The following NGLY1 variants were observed in gnomAD, a reference collection of about 807,000 sequenced individuals.
NGLY1 encodes N-glycanase 1.
NGLY1 carries 68 observed loss-of-function variants against 84.6 expected under a neutral mutation model. That is an observed-to-expected ratio of 0.80 (90% CI 0.66 to 0.98). The LOEUF (loss-of-function observed/expected upper bound fraction) is 0.98, where lower values mean the gene tolerates loss of function less well. Ranked by LOEUF, NGLY1 falls within the 50% of genes least tolerant of loss-of-function variation. The pLI is 0.00. For missense variants in NGLY1, 779 were observed against 770.2 expected (o/e 1.01, Z -0.14); for synonymous variants, 280 against 275.2 (o/e 1.02, Z -0.17).
At chr3:25,758,351 G>A (rs369622099) in intron 3 of NGLY1, among the ~76,000 whole-genome samples, 5 of 152,046 alleles carry the variant, frequency 3.3e-5, no homozygotes, top group African/African-American at 4.8e-5. Flanking sequence ...TGAGGCAGGC[G>A]GATTGCTTGA....
At chr3:25,720,889 C>G (rs901441944) in intron 10 of NGLY1, among the ~76,000 whole-genome samples, 2 of 152,180 alleles carry the variant, frequency 1.3e-5, no homozygotes, top group African/African-American at 4.8e-5. Context: ...CAACCATGCT[C>G]AAACTCTTAA....
chr3:25,772,798 T>G (rs1158223620), intron 2 of NGLY1, among the ~76,000 whole-genome samples: 1 of 152,218 alleles, frequency 6.6e-6, no homozygotes, highest in Non-Finnish European at 1.5e-5. Flanking sequence ...TTAGAGCTCC[T>G]TTTTAGCAGT....
intron 3 of NGLY1, among the ~76,000 whole-genome samples, chr3:25,760,860 C>CAAAAAAAAAAAAAAAAAAAAAA (rs760535260): frequency 1.4e-5 from 1 of 71,672 alleles, no homozygotes; most frequent in Admixed American, 1.7e-4. Context: ...AACTCTGTCT[C>CAAAAAAAAAAAAAAAAAAAAAA]AAAAAAAAAA....
intron 3 of NGLY1, among the ~76,000 whole-genome samples, chr3:25,760,768 G>A (rs1334118226): frequency 1.3e-5 from 2 of 151,470 alleles, no homozygotes; most frequent in African/African-American, 4.9e-5. Context: ...GCTGAGGCAG[G>A]AGAATCACTT....
intron 2 of NGLY1, among the ~76,000 whole-genome samples, chr3:25,776,106 G>A (rs1708142343): frequency 6.6e-6 from 1 of 152,196 alleles, no homozygotes; most frequent in African/African-American, 2.4e-5. Context: ...ATCAAAACCT[G>A]TTAATCTTTT....
intron 10 of NGLY1, among the ~76,000 whole-genome samples, chr3:25,721,660 A>C (rs1704994954): frequency 6.9e-6 from 1 of 145,780 alleles, no homozygotes. Flanking sequence ...GAGGCAGGAG[A>C]ATGGTGTGAA....
At chr3:25,750,598 T>TGTA (rs1706683906) in intron 4 of NGLY1, among the ~76,000 whole-genome samples, 1 of 152,032 alleles carries the variant, frequency 6.6e-6, no homozygotes, top group African/African-American at 2.4e-5. Context: ...AACACTGAAA[T>TGTA]GTACACTTAA....
chr3:25,757,441 TG>T (rs903260750), intron 3 of NGLY1, among the ~76,000 whole-genome samples: 4 of 152,318 alleles, frequency 2.6e-5, no homozygotes, highest in Middle Eastern at 3.4e-3. Context: ...AGGGTTCGAC[TG>T]GTATACGTGA....
chr3:25,776,483 A>G (rs983767326), intron 2 of NGLY1, among the ~76,000 whole-genome samples: 7 of 152,202 alleles, frequency 4.6e-5, no homozygotes, highest in African/African-American at 1.7e-4. Context: ...CCTTTGTATC[A>G]TCTATAATCA....
intron 8 of NGLY1, among the ~76,000 whole-genome samples, chr3:25,733,500 TG>T (rs1705656541): frequency 6.7e-6 from 1 of 150,320 alleles, no homozygotes; most frequent in Admixed American, 6.6e-5. Context: ...TGTGTGTGTG[TG>T]TGTGTGTGTG....
chr3:25,742,297 G>GA (rs1706186631), intron 4 of NGLY1, among the ~76,000 whole-genome samples: 1 of 152,132 alleles, frequency 6.6e-6, no homozygotes, highest in Non-Finnish European at 1.5e-5. Flanking sequence ...TTAGAACAGA[G>GA]AAAATGGAAA....
chr3:25,751,773 C>A (rs1019881248), intron 3 of NGLY1, among the ~76,000 whole-genome samples: 1 of 152,210 alleles, frequency 6.6e-6, no homozygotes, highest in African/African-American at 2.4e-5. Context: ...ATAGGATCTA[C>A]AGAATAGGAA....
Position 25,729,305 on chromosome 3 carries a change from A to T in NGLY1, c.1439T>A (p.Leu480Ter). 7.1e-7 allele frequency: 1 copy of T among 1,407,408 alleles called. No homozygotes were observed. Among genetic ancestry groups the T allele is most frequent in the Non-Finnish European group, 9.4e-7 (1 of 1,067,036 alleles). 87.2% of individuals were successfully genotyped at this position (1,407,408 alleles called of 1,614,324 possible). ...GEMGLQRKET[L>*]FIPCENEKIS... ...CTTCTCATTTTCACAGGGAATAAAC[A>T]AGGTTTCTTTTCTCTTAAAAAGAAA... The change falls in exon 10 of 12, where the codon TTG (leucine) becomes TAG (stop). Residue 480 changes from leucine to a stop codon, truncating the protein, a stop_gained. Coordinates refer to ENST00000280700, the MANE Select transcript of NGLY1 (RefSeq NM_018297.4). LOFTEE classifies it high-confidence loss of function.
chr3:25,721,609 C>G (rs933532497), intron 10 of NGLY1, among the ~76,000 whole-genome samples: 5 of 151,582 alleles, frequency 3.3e-5, no homozygotes, highest in African/African-American at 1.2e-4. Flanking sequence ...ATTAGCTGGG[C>G]GTGGTGGCAG....
At chr3:25,762,948 C>G (rs1707385540) in intron 3 of NGLY1, among the ~76,000 whole-genome samples, 1 of 151,960 alleles carries the variant, frequency 6.6e-6, no homozygotes, top group Non-Finnish European at 1.5e-5. Context: ...GAGTGAAACT[C>G]CGTCTCAAAA....
At chr3:25,749,654 C>A (rs966542672) in intron 4 of NGLY1, 13 of 1,490,864 alleles carry the variant, frequency 8.7e-6, no homozygotes, top group African/African-American at 1.4e-5. Flanking sequence ...GATCTTGATG[C>A]CCAACATTAG....
At position 25,790,037 on chromosome 3, in the gene NGLY1, A is replaced by AGCGCATGAGCGTACGTGCGAGC. The variant is rs376165311; in HGVS notation, c.-173_-172insGCTCGCACGTACGCTCATGCGC. Reference sequence around the variant, plus strand: ...GTCGAACGGGACGCGTGCGTGGGAAAGCGCATGAGCGTACGTGCGAGCGCG... The same window carrying AGCGCATGAGCGTACGTGCGAGC: ...GTCGAACGGGACGCGTGCGTGGGAAAGCGCATGAGCGTACGTGCGAGCGCGCATGAGCGTACGTGCGAGCGCG... On this transcript the variant is annotated 5_prime_UTR_variant, in exon 1 of 12. Transcript: ENST00000417874. 4.4e-5 allele frequency: 34 copies of AGCGCATGAGCGTACGTGCGAGC among 780,356 alleles called. No homozygotes were observed. In the Admixed American group the frequency reaches 4.4e-4, roughly 10 times the overall value. 48.3% of individuals were successfully genotyped at this position (780,356 alleles called of 1,614,324 possible).
chr3:25,748,046 C>T (rs891938312), intron 4 of NGLY1, among the ~76,000 whole-genome samples: 24 of 152,166 alleles, frequency 1.6e-4, no homozygotes, highest in African/African-American at 5.5e-4. Flanking sequence ...ACAATTAAGG[C>T]CTCTCCAGGG....
Position 25,755,328 on chromosome 3 carries a change from G to C in NGLY1, c.493-4065C>G, listed in dbSNP as rs1706984065. 1.9e-5 allele frequency: 26 copies of C among 1,351,542 alleles called. 1 individual carries two copies. In the South Asian group the frequency reaches 3.0e-4, roughly 16 times the overall value. The allele number at this position is 1,351,542 out of a possible 1,614,324, so 83.7% of individuals were successfully genotyped here. On this transcript the variant is annotated intron_variant, in intron 3 of 11. Transcript: ENST00000280700. ...AGGCTGAAGTCCTTAATTAAAAAGG[G>C]ACCTAACCAAGGGAGGCTAGTTCTA...
Sources: gnomAD v4.1 joint callset for allele counts (sites outside exome capture counted in the v4.1 genomes callset) on GRCh38, gnomAD v4.1.1 for gene constraint, MANE v1.5 for transcripts, NCBI Gene and HGNC (gene_info 2026-07-23, HGNC 2026-07-21) for gene names.